The following SDK1 variants were observed in gnomAD, a reference collection of about 807,000 sequenced individuals.
The protein encoded by SDK1 is sidekick cell adhesion molecule 1, also known as protein sidekick-1.
In SDK1, 157 loss-of-function variants were observed where a neutral mutation model predicts 245.5. The observed-to-expected ratio is 0.64, with a 90% CI of 0.56 to 0.73. The LOEUF (loss-of-function observed/expected upper bound fraction) is 0.73. Ranked by LOEUF, SDK1 falls within the 30% of genes least tolerant of loss-of-function variation. SDK1 has a pLI of 0.00. For synonymous variants in SDK1, 1,647 were observed against 1,278.5 expected (o/e 1.29, Z -6.15); for missense variants, 3,583 against 3,002.3 (o/e 1.19, Z -4.52).
chr7:3,407,934 G>T (rs1003565413), intron 1 of SDK1, among the ~76,000 whole-genome samples: 1 of 152,168 alleles, frequency 6.6e-6, no homozygotes, highest in Non-Finnish European at 1.5e-5. Context: ...AAACACAGGT[G>T]GATGAGAAGG....
intron 17 of SDK1, among the ~76,000 whole-genome samples, chr7:4,036,696 T>G (rs190922151): frequency 5.3e-5 from 8 of 152,300 alleles, no homozygotes; most frequent in Non-Finnish European, 1.0e-4. Context: ...CTGGTTGGGA[T>G]TAGCACCCTT....
At chr7:3,547,686 T>C (rs1779273337) in intron 1 of SDK1, among the ~76,000 whole-genome samples, 1 of 152,206 alleles carries the variant, frequency 6.6e-6, no homozygotes, top group South Asian at 2.1e-4. Context: ...TGTAGATCAC[T>C]GTTAATGTTG....
At chr7:4,095,081 A>G (rs1487045183) in intron 22 of SDK1, among the ~76,000 whole-genome samples, 1 of 152,046 alleles carries the variant, frequency 6.6e-6, no homozygotes, top group Non-Finnish European at 1.5e-5. Flanking sequence ...CAAACAGCAG[A>G]GGTCAGAGTT....
At chr7:4,244,674 G>C (rs1416756941) in intron 43 of SDK1, among the ~76,000 whole-genome samples, 1 of 152,228 alleles carries the variant, frequency 6.6e-6, no homozygotes, top group Non-Finnish European at 1.5e-5. Context: ...AGCTCAGCTG[G>C]GTCCTCTGCT....
intron 4 of SDK1, among the ~76,000 whole-genome samples, chr7:3,694,216 A>G (rs1180255108): frequency 6.6e-6 from 1 of 152,158 alleles, no homozygotes; most frequent in Non-Finnish European, 1.5e-5. Flanking sequence ...TGCCCTGCCC[A>G]CTGCATAAGA....
chr7:3,830,410 AT>A (rs1165442933), intron 5 of SDK1, among the ~76,000 whole-genome samples: 8 of 152,090 alleles, frequency 5.3e-5, no homozygotes, highest in Non-Finnish European at 1.5e-5. Flanking sequence ...CTCAATTTAA[AT>A]TATTATATTC....
chr7:3,537,878 C>G (rs1778932779), intron 1 of SDK1, among the ~76,000 whole-genome samples: 1 of 152,198 alleles, frequency 6.6e-6, no homozygotes, highest in African/African-American at 2.4e-5. Context: ...CAGGTAATCT[C>G]CCTGTTTTCA....
At chr7:4,215,267 C>T (rs1303998883) in intron 38 of SDK1, among the ~76,000 whole-genome samples, 2 of 152,208 alleles carry the variant, frequency 1.3e-5, no homozygotes, top group African/African-American at 2.4e-5. Context: ...TGAAGATTCC[C>T]AATTGGTGGG....
intron 1 of SDK1, among the ~76,000 whole-genome samples, chr7:3,370,527 GTTATGT>G (rs1562445853): frequency 6.6e-6 from 1 of 152,178 alleles, no homozygotes; most frequent in Non-Finnish European, 1.5e-5. Flanking sequence ...GAAACAGACT[GTTATGT>G]TTGACATTTC....
intron 1 of SDK1, among the ~76,000 whole-genome samples, chr7:3,485,293 C>T (rs1210332726): frequency 6.6e-6 from 1 of 152,120 alleles, no homozygotes; most frequent in Non-Finnish European, 1.5e-5. Flanking sequence ...TGGCCATTTG[C>T]AGGTCTTCTT....
At chr7:3,375,161 C>A (rs1781322536) in intron 1 of SDK1, among the ~76,000 whole-genome samples, 1 of 147,956 alleles carries the variant, frequency 6.8e-6, no homozygotes, top group African/African-American at 2.5e-5. Context: ...TGTAATAAAG[C>A]TAATCTGAAG....
chr7:4,134,373 C>T (rs904309545), intron 28 of SDK1, among the ~76,000 whole-genome samples: 39 of 152,156 alleles, frequency 2.6e-4, no homozygotes, highest in African/African-American at 8.9e-4. Context: ...GAGCTATGAG[C>T]CACATCTGGT....
At chr7:3,325,037 C>T (rs1779908255) in intron 1 of SDK1, among the ~76,000 whole-genome samples, 1 of 152,126 alleles carries the variant, frequency 6.6e-6, no homozygotes, top group Non-Finnish European at 1.5e-5. Flanking sequence ...TTCTCTGGAA[C>T]TGCATTTATC....
intron 5 of SDK1, among the ~76,000 whole-genome samples, chr7:3,867,303 A>C (rs1454791867): frequency 6.6e-6 from 1 of 152,224 alleles, no homozygotes; most frequent in Non-Finnish European, 1.5e-5. Flanking sequence ...GTTTTTCTCA[A>C]GCATGTGAAG....
At chr7:3,465,054 G>T (rs1185824181) in intron 1 of SDK1, among the ~76,000 whole-genome samples, 1 of 152,166 alleles carries the variant, frequency 6.6e-6, no homozygotes, top group Non-Finnish European at 1.5e-5. Flanking sequence ...AACTCTTACA[G>T]ATGTCAAGAG....
chr7:3,463,999 T>C (rs1780913130), intron 1 of SDK1, among the ~76,000 whole-genome samples: 1 of 152,214 alleles, frequency 6.6e-6, no homozygotes, highest in Admixed American at 6.5e-5. Flanking sequence ...CAAATGTTTC[T>C]CTTACAGTTC....
chr7:3,489,286 C>A (rs991663725), intron 1 of SDK1, among the ~76,000 whole-genome samples: 1 of 152,168 alleles, frequency 6.6e-6, no homozygotes, highest in Non-Finnish European at 1.5e-5. Flanking sequence ...CCACACACTT[C>A]ATTTGGGATA....
At chr7:3,735,332 C>A (rs1229522427) in intron 4 of SDK1, among the ~76,000 whole-genome samples, 4 of 152,148 alleles carry the variant, frequency 2.6e-5, no homozygotes, top group Admixed American at 2.6e-4. Flanking sequence ...GATTCCCCTT[C>A]CCCCACAGCC....
chr7:4,035,135 T>C (rs1788122921), intron 17 of SDK1, among the ~76,000 whole-genome samples: 1 of 151,190 alleles, frequency 6.6e-6, no homozygotes, highest in South Asian at 2.1e-4. Flanking sequence ...CGTACCACCA[T>C]GCCCAGCTAT....
Sources: allele counts gnomAD v4.1 joint callset (sites outside exome capture counted in the v4.1 genomes callset), GRCh38; gene constraint gnomAD v4.1.1; transcripts MANE v1.5; gene names NCBI Gene and HGNC (gene_info 2026-07-23, HGNC 2026-07-21).